LRRC39: variants seen among roughly 807,000 people sequenced by gnomAD.
LRRC39 encodes the protein leucine rich repeat containing 39.
In LRRC39, 35 loss-of-function variants were observed where a neutral mutation model predicts 39.7. That is an observed-to-expected ratio of 0.88 (90% CI 0.67 to 1.17). LRRC39 has a LOEUF of 1.17. Among genes scored for constraint, LRRC39 ranks in the 50% most tolerant of loss-of-function variants. The pLI is 0.00. For missense variants in LRRC39, 357 were observed against 385.8 expected (o/e 0.93, Z 0.62); for synonymous variants, 113 against 134.1 (o/e 0.84, Z 1.09).
chr1:100,152,378 CTT>C lies in LRRC39; in HGVS notation c.952+5_952+6del, dbSNP rs1258315870. 1 of 1,612,890 alleles carries C rather than the reference CTT, an allele frequency of 6.2e-7. No homozygotes were observed. Among genetic ancestry groups the C allele is most frequent in the East Asian group, 2.2e-5 (1 of 44,854 alleles). On this transcript the variant is annotated splice_donor_5th_base_variant and intron_variant, in intron 9 of 9. Transcript: ENST00000370137. ...CATTTAATCTGTGTTATATACAAAT[CTT>C]ATACCTGCTCTTCTCCGTGACTCTT... is the stretch of plus-strand genomic sequence containing the variant.
chr1:100,159,435 GGTT>G lies in LRRC39; in HGVS notation c.220-23_220-21del. ...GAGGGTCTACAGTAAAAGAAATGAT[GGTT>G]GTTGTATATTACTTAAATTTTTTTA... On this transcript the variant is annotated intron_variant, in intron 4 of 9. Coordinates refer to ENST00000370137, the MANE Select transcript of LRRC39 (RefSeq NM_144620.4). 1 of 1,567,990 alleles carries G rather than the reference GGTT, an allele frequency of 6.4e-7. No homozygotes were observed. Among genetic ancestry groups the G allele is most frequent in the Middle Eastern group, 1.7e-4 (1 of 5,870 alleles).
chr1:100,151,078 G>A (rs528738767), intron 9 of LRRC39, among the ~76,000 whole-genome samples: 39 of 134,172 alleles, frequency 2.9e-4, no homozygotes, highest in East Asian at 2.8e-3. Flanking sequence ...CAAGTGAGCC[G>A]AGATTGCACC....
At chr1:100,161,158 G>A (rs529049484) in intron 3 of LRRC39, among the ~76,000 whole-genome samples, 1 of 152,050 alleles carries the variant, frequency 6.6e-6, no homozygotes, top group East Asian at 1.9e-4. Context: ...AGTAAATTTT[G>A]GTATATTCAC....
intron 3 of LRRC39, among the ~76,000 whole-genome samples, chr1:100,161,860 T>C (rs1658901431): frequency 6.6e-6 from 1 of 152,176 alleles, no homozygotes; most frequent in African/African-American, 2.4e-5. Flanking sequence ...TTGCCCAGGC[T>C]GGTCTCAAAC....
chr1:100,152,346 C>CA lies in LRRC39; in HGVS notation c.952+38dup, dbSNP rs747216054. ...GTTAGTGATACACACATTACTCTAC[C>CA]AAAAAACATTTAATCTGTGTTATAT... is the stretch of plus-strand genomic sequence containing the variant. On this transcript the variant is annotated intron_variant, in intron 9 of 9. Transcript: ENST00000370137. 4.4e-6 allele frequency: 7 copies of CA among 1,586,980 alleles called. No homozygotes were observed. The East Asian group carries it at 9.0e-5, about 20-fold the overall frequency.
At chr1:100,162,089 C>T (rs1658919085) in intron 3 of LRRC39, among the ~76,000 whole-genome samples, 1 of 152,092 alleles carries the variant, frequency 6.6e-6, no homozygotes, top group Admixed American at 6.5e-5. Context: ...TTATAGCCAT[C>T]TAGTGGGTGC....
intron 3 of LRRC39, among the ~76,000 whole-genome samples, chr1:100,164,233 T>C (rs1275166679): frequency 6.6e-6 from 1 of 152,224 alleles, no homozygotes; most frequent in Non-Finnish European, 1.5e-5. Flanking sequence ...AGGCTTTTTT[T>C]CTTTCATTTT....
In LRRC39 at chr1:100,160,657, C is replaced by G. The variant is rs368771029; in HGVS notation, c.114-86G>C. 6.8e-4 allele frequency: 749 copies of G among 1,101,402 alleles called. 5 individuals are homozygous for G. The African/African-American group carries it at 0.01, about 15-fold the overall frequency. 68.2% of individuals were successfully genotyped at this position (1,101,402 alleles called of 1,614,324 possible). On this transcript the variant is annotated intron_variant, in intron 3 of 9. Transcript: ENST00000370137. ...TTTTTTTTTGAGAGAGAGAGTTTCA[C>G]TCTTTTGCCCAGGCTGGAGTGCAGT...
intron 3 of LRRC39, among the ~76,000 whole-genome samples, chr1:100,166,639 A>G (rs1218116087): frequency 6.6e-6 from 1 of 152,194 alleles, no homozygotes; most frequent in Non-Finnish European, 1.5e-5. Flanking sequence ...TCAAGAGGTG[A>G]CTTGGGTGCT....
At chr1:100,151,320 T>C (rs997615668) in intron 9 of LRRC39, among the ~76,000 whole-genome samples, 8 of 152,160 alleles carry the variant, frequency 5.3e-5, no homozygotes, top group Admixed American at 2.6e-4. Flanking sequence ...TTACCAATTC[T>C]GTCTCCTAAT....
chr1:100,157,878 A>G (rs935935229), intron 6 of LRRC39, among the ~76,000 whole-genome samples: 2 of 152,190 alleles, frequency 1.3e-5, no homozygotes, highest in African/African-American at 4.8e-5. Flanking sequence ...CTATCACTAC[A>G]TTGTCTGTGC....
At chr1:100,160,201 A>C (rs1316142848) in intron 4 of LRRC39, among the ~76,000 whole-genome samples, 1 of 152,228 alleles carries the variant, frequency 6.6e-6, no homozygotes, top group Non-Finnish European at 1.5e-5. Context: ...TTTTATGGGA[A>C]ATGAGAGGTT....
rs533287551 is a variant in LRRC39, at chr1:100,165,427, G to GC, written c.113+2976dup. On this transcript the variant is annotated intron_variant, in intron 3 of 9. Transcript: ENST00000370137. ...AAAGATCCCTTTTATCAAAACTTTA[G>GC]CCAGGCTCCACATCCTCTGCTTGAC... is the stretch of plus-strand genomic sequence containing the variant. Among the ~76,000 whole-genome samples, 561 of 152,144 alleles carry GC rather than the reference G, an allele frequency of 3.7e-3. 3 individuals are homozygous for GC. The highest frequency in any genetic ancestry group is 0.013 in the African/African-American group (519 of 41,510).
chr1:100,152,567 A>G (rs764689266), intron 8 of LRRC39, 43 bp from the exon 9 acceptor site: 2 of 1,592,088 alleles, frequency 1.3e-6, no homozygotes, highest in Non-Finnish European at 1.7e-6. Flanking sequence ...GGTGTCATGG[A>G]AGTGTACATT....
intron 1 of LRRC39, among the ~76,000 whole-genome samples, chr1:100,175,805 G>T (rs1659918130): frequency 6.6e-6 from 1 of 152,160 alleles, no homozygotes; most frequent in South Asian, 2.1e-4. Context: ...ATGAAGTTGT[G>T]CTCCACCTTA....
Position 100,159,324 on chromosome 1 carries a change from C to T in LRRC39, c.311G>A (p.Arg104Lys). Residue 104 changes from arginine to lysine, a missense_variant, in exon 5 of 10, where the codon AGA (arginine) becomes AAA (lysine). Transcript: ENST00000370137. The part of the protein sequence containing the change: ...GLLKIPEFIG[R>K]FQNLIVLDLS... ...ATCTAACACAATGAGGTTCTGGAAT[C>T]TTCCAATGAATTCAGGAATTTTCAG... 1 of 1,611,342 alleles carries T rather than the reference C, an allele frequency of 6.2e-7. No homozygotes were observed. The highest frequency in any genetic ancestry group is 1.7e-5 in the Admixed American group (1 of 59,734).
intron 5 of LRRC39, 39 bp from the exon 6 acceptor site, chr1:100,158,406 A>G: frequency 6.4e-7 from 1 of 1,561,798 alleles, no homozygotes; most frequent in South Asian, 1.2e-5. Flanking sequence ...AGTTGGATAT[A>G]AAATAATCTT....
At position 100,152,419 on chromosome 1, in the gene LRRC39, CATAA is replaced by C; in HGVS notation, c.914_917del (p.Phe305CysfsTer26). ...TCCGTGACTCTTGTATGTATGTGTG[CATAA>C]ACTGAAGGCCAAATAATTCCCGTTC... On this transcript the variant is annotated frameshift_variant, in exon 9 of 10. Coordinates refer to ENST00000370137, the MANE Select transcript of LRRC39 (RefSeq NM_144620.4). LOFTEE classifies it low-confidence loss of function (END_TRUNC). 1.9e-6 allele frequency: 3 copies of C among 1,614,026 alleles called. No individual in the cohort carries two copies. Among genetic ancestry groups the C allele is most frequent in the Non-Finnish European group, 2.5e-6 (3 of 1,179,988 alleles).
intron 3 of LRRC39, among the ~76,000 whole-genome samples, chr1:100,162,827 ATTTG>A (rs921382635): frequency 4.6e-5 from 7 of 152,202 alleles, no homozygotes; most frequent in Non-Finnish European, 5.9e-5. Flanking sequence ...TAATTTGAAT[ATTTG>A]TTTGCCAGAA....
Sources: gnomAD v4.1 joint callset for allele counts (sites outside exome capture counted in the v4.1 genomes callset) on GRCh38, gnomAD v4.1.1 for gene constraint, MANE v1.5 for transcripts, NCBI Gene and HGNC (gene_info 2026-07-23, HGNC 2026-07-21) for gene names.